Variants in PITPNC1 observed in about 807,000 individuals in gnomAD.
The protein encoded by PITPNC1 is cytoplasmic phosphatidylinositol transfer protein 1.
PITPNC1 carries 18 observed loss-of-function variants against 44.7 expected under a neutral mutation model. That is an observed-to-expected ratio of 0.40 (90% CI 0.28 to 0.60). The LOEUF (loss-of-function observed/expected upper bound fraction) is 0.60. Ranked by LOEUF, PITPNC1 falls within the 20% of genes least tolerant of loss-of-function variation. The pLI is 0.39. For synonymous variants in PITPNC1, 141 were observed against 149.6 expected, an observed-to-expected ratio of 0.94 and a Z score of 0.42; for missense variants, 290 against 418.4, an observed-to-expected ratio of 0.69 and a Z score of 2.68.
intron 4 of PITPNC1, among the ~76,000 whole-genome samples, chr17:67,575,301 G>A (rs2041125217): frequency 6.6e-6 from 1 of 152,154 alleles, no homozygotes; most frequent in Non-Finnish European, 1.5e-5. Context: ...GAGATGAGCA[G>A]CTGCTCCTTG....
intron 1 of PITPNC1, among the ~76,000 whole-genome samples, chr17:67,468,144 G>T (rs970171168): frequency 6.6e-6 from 1 of 152,286 alleles, no homozygotes; most frequent in East Asian, 1.9e-4. Context: ...TCTTGGTCTT[G>T]GTTGTCAGGC....
At chr17:67,629,974 A>G (rs938078092) in intron 5 of PITPNC1, among the ~76,000 whole-genome samples, 2 of 152,240 alleles carry the variant, frequency 1.3e-5, no homozygotes, top group Non-Finnish European at 2.9e-5. Context: ...AATAGGCAAG[A>G]AGAGAAGAAC....
intron 1 of PITPNC1, among the ~76,000 whole-genome samples, chr17:67,400,602 C>T (rs563903896): frequency 6.6e-6 from 1 of 152,206 alleles, no homozygotes; most frequent in South Asian, 2.1e-4. Context: ...TGTAGTAACA[C>T]AAGGAAAGAT....
chr17:67,489,007 A>AT (rs779684259), intron 1 of PITPNC1, among the ~76,000 whole-genome samples: 1 of 152,206 alleles, frequency 6.6e-6, no homozygotes, highest in Non-Finnish European at 1.5e-5. Flanking sequence ...GTGGATGGAC[A>AT]TGGGTTGTTT....
chr17:67,494,185 T>TTCTTTCTCTTTCTTTCTTTC, intron 1 of PITPNC1, among the ~76,000 whole-genome samples: 6 of 102,496 alleles, frequency 5.9e-5, no homozygotes, highest in East Asian at 5.8e-4. Context: ...CTTTCTTTCT[T>TTCTTTCTCTTTCTTTCTTTC]TTTCTTTCTT....
At chr17:67,407,999 A>T (rs985925811) in intron 1 of PITPNC1, among the ~76,000 whole-genome samples, 1 of 151,724 alleles carries the variant, frequency 6.6e-6, no homozygotes, top group Non-Finnish European at 1.5e-5. Context: ...TCTGTTGCCC[A>T]GGCTGGAGTG....
intron 1 of PITPNC1, among the ~76,000 whole-genome samples, chr17:67,452,203 G>T (rs1378260879): frequency 6.6e-6 from 1 of 151,400 alleles, no homozygotes; most frequent in African/African-American, 2.4e-5. Context: ...ATAGACGGGG[G>T]TCTCACTATG....
At chr17:67,600,428 G>C (rs1317188996) in intron 5 of PITPNC1, among the ~76,000 whole-genome samples, 1 of 152,002 alleles carries the variant, frequency 6.6e-6, no homozygotes, top group Non-Finnish European at 1.5e-5. Flanking sequence ...GCTGCTCAGA[G>C]GGAAAAGTAA....
chr17:67,379,956 A>T (rs1201391170), intron 1 of PITPNC1, among the ~76,000 whole-genome samples: 1 of 152,130 alleles, frequency 6.6e-6, no homozygotes, highest in Non-Finnish European at 1.5e-5. Context: ...ACTCAGGCAG[A>T]TGCTTTTCCC....
chr17:67,603,182 C>T (rs924527870), intron 5 of PITPNC1, among the ~76,000 whole-genome samples: 7 of 152,170 alleles, frequency 4.6e-5, no homozygotes, highest in African/African-American at 1.7e-4. Context: ...TATGGCAGGG[C>T]CCCATCTAAT....
intron 2 of PITPNC1, among the ~76,000 whole-genome samples, chr17:67,543,446 G>C (rs1272282887): frequency 6.6e-6 from 1 of 152,178 alleles, no homozygotes; most frequent in East Asian, 1.9e-4. Context: ...ATGCAATAGG[G>C]CTCCAATTTC....
chr17:67,562,410 C>T (rs1280105578), intron 4 of PITPNC1, among the ~76,000 whole-genome samples: 1 of 152,132 alleles, frequency 6.6e-6, no homozygotes, highest in Non-Finnish European at 1.5e-5. Flanking sequence ...CTTTCAGGTC[C>T]CACCATTCCT....
intron 1 of PITPNC1, among the ~76,000 whole-genome samples, chr17:67,390,680 A>G (rs749356504): frequency 4.0e-4 from 61 of 152,176 alleles, no homozygotes; most frequent in Non-Finnish European, 6.6e-4. Context: ...CTAGGATGGC[A>G]AAATCACACC....
chr17:67,407,631 C>T (rs1409072375), intron 1 of PITPNC1, among the ~76,000 whole-genome samples: 4 of 151,762 alleles, frequency 2.6e-5, no homozygotes, highest in African/African-American at 7.3e-5. Flanking sequence ...GGAGAAACCC[C>T]GTCTCTACTA....
At chr17:67,617,959 G>A (rs2041781056) in intron 5 of PITPNC1, among the ~76,000 whole-genome samples, 1 of 152,036 alleles carries the variant, frequency 6.6e-6, no homozygotes, top group Non-Finnish European at 1.5e-5. Context: ...GAGATTCGGG[G>A]GGACACTCTT....
chr17:67,631,657 A>AAAATATATATATATATAT (rs1555574522), intron 5 of PITPNC1, among the ~76,000 whole-genome samples: 2 of 7,676 alleles, frequency 2.6e-4, no homozygotes, highest in African/African-American at 7.4e-4. Flanking sequence ...AAAAAAAAAA[A>AAAATATATATATATATAT]ATATATATAT....
chr17:67,424,453 T>C (rs1214059714), intron 1 of PITPNC1, among the ~76,000 whole-genome samples: 2 of 152,204 alleles, frequency 1.3e-5, no homozygotes, highest in Non-Finnish European at 1.5e-5. Flanking sequence ...GGCCAGGAGT[T>C]CGAGACCAGC....
chr17:67,627,892 T>C (rs1321702723), intron 5 of PITPNC1, among the ~76,000 whole-genome samples: 1 of 152,072 alleles, frequency 6.6e-6, no homozygotes, highest in Non-Finnish European at 1.5e-5. Context: ...TCCCTAGTTT[T>C]ACAGCCTATT....
intron 8 of PITPNC1, among the ~76,000 whole-genome samples, chr17:67,690,142 A>G (rs565689953): frequency 2.0e-5 from 3 of 152,342 alleles, no homozygotes; most frequent in African/African-American, 7.2e-5. Flanking sequence ...TGGTTTGCTC[A>G]GATGTTATAA....
Sources: gnomAD v4.1 joint callset for allele counts (sites outside exome capture counted in the v4.1 genomes callset) on GRCh38, gnomAD v4.1.1 for gene constraint, MANE v1.5 for transcripts, NCBI Gene and HGNC (gene_info 2026-07-23, HGNC 2026-07-21) for gene names.